DAAM2: variants seen among roughly 807,000 people sequenced by gnomAD.
DAAM2 encodes disheveled-associated activator of morphogenesis 2.
In DAAM2, 39 loss-of-function variants were observed where a neutral mutation model predicts 120.7. The ratio of observed to expected loss-of-function variants is 0.32; its 90% CI spans 0.25 to 0.42. DAAM2 has a LOEUF of 0.42. Among genes scored for constraint, DAAM2 ranks in the 10% least tolerant of loss-of-function variants. The pLI is 1.00. For missense variants in DAAM2, 1,283 were observed against 1,401.7 expected (o/e 0.92, Z 1.35); for synonymous variants, 488 against 524.9 (o/e 0.93, Z 0.96).
At chr6:39,821,915 G>C (rs2114136084) in intron 1 of DAAM2, 1 of 152,414 alleles carries the variant, frequency 6.6e-6, no homozygotes, top group Non-Finnish European at 1.5e-5. Context: ...CTTCCTATAG[G>C]GTCAGGGGAC....
At chr6:39,883,171 G>A (rs1242421013) in intron 14 of DAAM2, among the ~76,000 whole-genome samples, 1 of 135,550 alleles carries the variant, frequency 7.4e-6, no homozygotes, top group African/African-American at 2.9e-5. Context: ...AGGGTGCTAC[G>A]AGACTGCCAG....
intron 1 of DAAM2, chr6:39,820,530 T>C (rs1336298216): frequency 2.0e-5 from 3 of 152,218 alleles, no homozygotes; most frequent in South Asian, 4.1e-4. Flanking sequence ...CTCGTCTTGA[T>C]TGAAATATTG....
chr6:39,826,788 T>C (rs1365204432), intron 1 of DAAM2, among the ~76,000 whole-genome samples: 1 of 152,224 alleles, frequency 6.6e-6, no homozygotes, highest in African/African-American at 2.4e-5. Context: ...CACAGGTTTC[T>C]GTAACTTCAA....
intron 14 of DAAM2, among the ~76,000 whole-genome samples, chr6:39,881,125 T>G (rs1333345498): frequency 6.6e-6 from 1 of 152,206 alleles, no homozygotes; most frequent in African/African-American, 2.4e-5. Context: ...TTGTGCAACA[T>G]TTTCATCATA....
intron 1 of DAAM2, among the ~76,000 whole-genome samples, chr6:39,844,726 C>G (rs745805511): frequency 6.6e-6 from 1 of 152,096 alleles, no homozygotes; most frequent in African/African-American, 2.4e-5. Context: ...GCGGGCTGAT[C>G]AGAAATTGGC....
intron 1 of DAAM2, among the ~76,000 whole-genome samples, chr6:39,802,652 TC>T (rs1761900098): frequency 6.6e-6 from 1 of 152,112 alleles, no homozygotes; most frequent in African/African-American, 2.4e-5. Context: ...AAATAATACA[TC>T]CCAGTGCCTT....
At chr6:39,796,585 T>C (rs1761706465) in intron 1 of DAAM2, among the ~76,000 whole-genome samples, 1 of 133,760 alleles carries the variant, frequency 7.5e-6, no homozygotes, top group South Asian at 2.3e-4. Context: ...TGGTTATTAA[T>C]AGGTGTTATG....
chr6:39,893,787 T>C (rs1337519322), intron 19 of DAAM2, among the ~76,000 whole-genome samples: 2 of 152,200 alleles, frequency 1.3e-5, no homozygotes, highest in African/African-American at 2.4e-5. Flanking sequence ...TGTGTGACTA[T>C]AAGTGGAGAA....
chr6:39,851,475 C>T (rs1406119990), intron 1 of DAAM2, among the ~76,000 whole-genome samples: 1 of 152,168 alleles, frequency 6.6e-6, no homozygotes, highest in Non-Finnish European at 1.5e-5. Flanking sequence ...CAGTGTCTGG[C>T]ATGTAGGAAA....
At chr6:39,818,404 A>G (rs993123743) in intron 1 of DAAM2, among the ~76,000 whole-genome samples, 1 of 152,190 alleles carries the variant, frequency 6.6e-6, no homozygotes, top group African/African-American at 2.4e-5. Context: ...CTAAGCACCA[A>G]CAACTAGAAC....
At chr6:39,817,789 G>T (rs890731575) in intron 1 of DAAM2, among the ~76,000 whole-genome samples, 1 of 152,104 alleles carries the variant, frequency 6.6e-6, no homozygotes, top group African/African-American at 2.4e-5. Flanking sequence ...TTCTCTGAAG[G>T]CCTCCAACTG....
chr6:39,809,342 G>C lies in DAAM2; in HGVS notation c.-57+16877G>C, dbSNP rs575520566. Among the ~76,000 whole-genome samples, 3 of 152,242 alleles carry C rather than the reference G, an allele frequency of 2.0e-5. No individual in the cohort carries two copies. The South Asian group carries it at 6.2e-4, about 32-fold the overall frequency. On this transcript the variant is annotated intron_variant, in intron 1 of 24. Transcript: ENST00000274867. ...AATTTACCTAGTTCATTGCTCTTCC[G>C]TGACCAACCTCACAGGCCTCAGTTC...
At chr6:39,858,157 C>T (rs1228387773) in intron 2 of DAAM2, among the ~76,000 whole-genome samples, 1 of 151,972 alleles carries the variant, frequency 6.6e-6, no homozygotes, top group Non-Finnish European at 1.5e-5. Context: ...TTTTGGGGTA[C>T]ACAATGAAGA....
chr6:39,864,373 G>A (rs1764333543), intron 3 of DAAM2, 60 bp from the exon 4 acceptor site: 1 of 1,337,674 alleles, frequency 7.5e-7, no homozygotes, highest in South Asian at 1.2e-5. Context: ...TGAAGCTCAG[G>A]ATCTCAGGCC....
intron 1 of DAAM2, among the ~76,000 whole-genome samples, chr6:39,842,906 C>T (rs545067642): frequency 5.9e-5 from 9 of 152,066 alleles, no homozygotes; most frequent in Admixed American, 5.9e-4. Context: ...GTGGAACGAG[C>T]AAGTCTATTC....
chr6:39,872,718 C>G (rs1764710245), intron 9 of DAAM2, among the ~76,000 whole-genome samples: 1 of 152,198 alleles, frequency 6.6e-6, no homozygotes, highest in Non-Finnish European at 1.5e-5. Flanking sequence ...AGGGGATAAG[C>G]AGCTTGCCTG....
intron 1 of DAAM2, among the ~76,000 whole-genome samples, chr6:39,814,546 G>C (rs1004276921): frequency 2.0e-5 from 3 of 152,222 alleles, no homozygotes; most frequent in Non-Finnish European, 4.4e-5. Flanking sequence ...AACAGCTAAG[G>C]ACCTGGAGTA....
At chr6:39,844,614 A>G (rs1763488640) in intron 1 of DAAM2, among the ~76,000 whole-genome samples, 1 of 152,180 alleles carries the variant, frequency 6.6e-6, no homozygotes, top group Non-Finnish European at 1.5e-5. Context: ...CTGTGCTCCC[A>G]GGCCATAGTG....
At chr6:39,895,861 C>A (rs532505678) in intron 19 of DAAM2, among the ~76,000 whole-genome samples, 3 of 152,154 alleles carry the variant, frequency 2.0e-5, no homozygotes, top group Admixed American at 2.0e-4. Context: ...ACATTTAGAG[C>A]ATTGGGGGAA....
Sources: allele counts gnomAD v4.1 joint callset (sites outside exome capture counted in the v4.1 genomes callset), GRCh38; gene constraint gnomAD v4.1.1; transcripts MANE v1.5; gene names NCBI Gene and HGNC (gene_info 2026-07-23, HGNC 2026-07-21).